DGLUCY: variants seen among roughly 807,000 people sequenced by gnomAD.
DGLUCY encodes the protein D-glutamate cyclase, mitochondrial.
Under a neutral mutation model 58.5 loss-of-function variants are expected in DGLUCY, and 58 were observed. The observed-to-expected ratio is 0.99, with a 90% CI of 0.80 to 1.23. DGLUCY has a LOEUF of 1.23. Among genes scored for constraint, DGLUCY ranks in the 50% most tolerant of loss-of-function variants. The pLI, the probability that DGLUCY is intolerant of heterozygous loss-of-function variation, is 0.00. For missense variants in DGLUCY, 779 were observed against 784.7 expected (o/e 0.99, Z 0.09); for synonymous variants, 325 against 314.1 (o/e 1.03, Z -0.37).
chr14:91,108,514 TGTGTGTGTGTGTGAGAGA>T (rs2044631632), intron 1 of DGLUCY, among the ~76,000 whole-genome samples: 1 of 89,308 alleles, frequency 1.1e-5, no homozygotes, highest in African/African-American at 3.8e-5. Flanking sequence ...TGTGTGTGTG[TGTGTGTGTGTGTGAGAGA>T]GAGAGAGAGA....
chr14:91,207,920 A>AT (rs747936528), intron 12 of DGLUCY, among the ~76,000 whole-genome samples: 16 of 151,810 alleles, frequency 1.1e-4, no homozygotes, highest in Non-Finnish European at 2.2e-4. Context: ...CTAATTTTGT[A>AT]TTTTTTTAGT....
At chr14:91,182,392 G>A (rs1313509600) in intron 8 of DGLUCY, among the ~76,000 whole-genome samples, 1 of 151,826 alleles carries the variant, frequency 6.6e-6, no homozygotes, top group Non-Finnish European at 1.5e-5. Context: ...TAGGTAGTAA[G>A]AAAAAAAGAG....
At chr14:91,164,323 A>G (rs958886226) in intron 3 of DGLUCY, among the ~76,000 whole-genome samples, 2 of 152,180 alleles carry the variant, frequency 1.3e-5, no homozygotes, top group South Asian at 4.1e-4. Context: ...AGAGAAGCAA[A>G]TGACAAGTAT....
intron 9 of DGLUCY, 76 bp from the exon 10 acceptor site, chr14:91,196,299 C>G: frequency 8.3e-7 from 1 of 1,205,088 alleles, no homozygotes. Flanking sequence ...TTCAAAGAAG[C>G]TTTTGAAAAG....
rs559174308 is a variant in DGLUCY at position 91,153,899 on chromosome 14, AT to A, written c.-81-3735del. Among the ~76,000 whole-genome samples the A allele has an allele frequency of 2.5e-4, 38 of 151,972 alleles. No homozygotes were observed. In the East Asian group the frequency reaches 7.0e-3, roughly 28 times the overall value. On this transcript the variant is annotated intron_variant, in intron 1 of 13. Coordinates refer to ENST00000256324, the MANE Select transcript of DGLUCY (RefSeq NM_001102368.3). Reference sequence around the variant, plus strand: ...GGTGGTCGGGGTACAGGTTTTTATTATTTTTGTTTGTTTGTTTGTTTTTTGA... The same window carrying A: ...GGTGGTCGGGGTACAGGTTTTTATTATTTTGTTTGTTTGTTTGTTTTTTGA...
At chr14:91,155,978 C>T (rs77982316) in intron 1 of DGLUCY, among the ~76,000 whole-genome samples, 196 of 152,282 alleles carry the variant, frequency 1.3e-3, no homozygotes, top group African/African-American at 4.5e-3. Context: ...CCAAGCTCTT[C>T]TCCATCCTTC....
chr14:91,081,182 G>C (rs2044118286), intron 1 of DGLUCY, among the ~76,000 whole-genome samples: 1 of 150,664 alleles, frequency 6.6e-6, no homozygotes, highest in South Asian at 2.1e-4. Context: ...CAGCCTGGGC[G>C]ACAGAGTGAG....
At chr14:91,181,492 T>C in intron 8 of DGLUCY, 103 bp downstream of exon 8, 3 of 1,153,982 alleles carry the variant, frequency 2.6e-6, no homozygotes, top group Non-Finnish European at 3.7e-6. Context: ...ATGCAAAATG[T>C]ATCCACAGGA....
chr14:91,109,734 C>T (rs1259092863), upstream of DGLUCY, among the ~76,000 whole-genome samples: 2 of 152,188 alleles, frequency 1.3e-5, no homozygotes, highest in African/African-American at 4.8e-5. Context: ...GGGCCTCACG[C>T]TCATGAGCTC....
chr14:91,153,709 G>A (rs949524942), intron 1 of DGLUCY, among the ~76,000 whole-genome samples: 2 of 152,154 alleles, frequency 1.3e-5, no homozygotes, highest in Non-Finnish European at 2.9e-5. Flanking sequence ...AGGCCTTGCC[G>A]GGCCCATGAA....
At chr14:91,195,675 T>G (rs575903130) in intron 9 of DGLUCY, among the ~76,000 whole-genome samples, 289 of 148,246 alleles carry the variant, frequency 1.9e-3, no homozygotes, top group African/African-American at 6.6e-3. Flanking sequence ...GTTTTGTTTT[T>G]TTTTTTTTTT....
chr14:91,094,932 TA>T (rs1386596085), intron 1 of DGLUCY, among the ~76,000 whole-genome samples: 1 of 152,148 alleles, frequency 6.6e-6, no homozygotes, highest in Non-Finnish European at 1.5e-5. Flanking sequence ...TACCACTTTG[TA>T]AAAGGATCCA....
At chr14:91,077,470 G>T (rs970389827) in intron 1 of DGLUCY, among the ~76,000 whole-genome samples, 1 of 151,232 alleles carries the variant, frequency 6.6e-6, no homozygotes, top group African/African-American at 2.4e-5. Flanking sequence ...AAAACAAAAA[G>T]AGGCTGGGCA....
chr14:91,165,516 C>A (rs1386101501), intron 3 of DGLUCY, among the ~76,000 whole-genome samples: 1 of 152,176 alleles, frequency 6.6e-6, no homozygotes, highest in African/African-American at 2.4e-5. Context: ...GAGGAGGCTA[C>A]AGCATGTAAT....
intron 8 of DGLUCY, among the ~76,000 whole-genome samples, chr14:91,181,681 CT>C (rs112052513): frequency 1.6e-3 from 227 of 142,184 alleles, no homozygotes; most frequent in South Asian, 6.4e-3. Context: ...TCTTTTTTTT[CT>C]TTTTTTTTTG....
intron 13 of DGLUCY, among the ~76,000 whole-genome samples, chr14:91,222,044 C>G (rs2140798209): frequency 6.6e-6 from 1 of 152,318 alleles, no homozygotes; most frequent in South Asian, 2.1e-4. Context: ...GCCCTGTCTA[C>G]TCTCCCTCAC....
intron 1 of DGLUCY, among the ~76,000 whole-genome samples, chr14:91,154,787 G>A (rs17127164): frequency 0.078 from 11,793 of 152,082 alleles, 1,545 homozygotes; most frequent in African/African-American, 0.27. Context: ...TAAAAGGCAA[G>A]TTTCACAAAT....
intron 1 of DGLUCY, among the ~76,000 whole-genome samples, chr14:91,075,884 G>A (rs1305221123): frequency 6.6e-6 from 1 of 152,164 alleles, no homozygotes; most frequent in Non-Finnish European, 1.5e-5. Flanking sequence ...AGGCCCAGGT[G>A]GGCAGATCAC....
At chr14:91,097,395 CAAA>C (rs1029755832) in intron 1 of DGLUCY, among the ~76,000 whole-genome samples, 1 of 149,682 alleles carries the variant, frequency 6.7e-6, no homozygotes, top group Non-Finnish European at 1.5e-5. Context: ...GACACTGTCT[CAAA>C]AAAAACAAAA....
Sources: gnomAD v4.1 joint callset for allele counts (sites outside exome capture counted in the v4.1 genomes callset) on GRCh38, gnomAD v4.1.1 for gene constraint, MANE v1.5 for transcripts, NCBI Gene and HGNC (gene_info 2026-07-23, HGNC 2026-07-21) for gene names.